Variants in SLC5A1 observed in about 807,000 individuals in gnomAD.
SLC5A1 encodes solute carrier family 5 member 1.
In SLC5A1, 42 loss-of-function variants were observed where a neutral mutation model predicts 73.5. That is an observed-to-expected ratio of 0.57 (90% CI 0.45 to 0.74). The LOEUF is 0.74. SLC5A1 is among the 30% of genes least tolerant of loss of function. SLC5A1 has a pLI of 0.00. For missense variants in SLC5A1, 634 were observed against 855.4 expected (o/e 0.74, Z 3.23); for synonymous variants, 300 against 317.4 (o/e 0.95, Z 0.58).
chr22:32,077,259 C>T (rs561276225), intron 5 of SLC5A1, among the ~76,000 whole-genome samples: 67 of 150,248 alleles, frequency 4.5e-4, no homozygotes, highest in African/African-American at 1.5e-3. Context: ...TTCACTCCCT[C>T]CTTCTCTCCT....
chr22:32,089,090 C>A (rs1472409450), intron 10 of SLC5A1, among the ~76,000 whole-genome samples: 1 of 152,220 alleles, frequency 6.6e-6, no homozygotes, highest in Non-Finnish European at 1.5e-5. Context: ...GGGGAAAGTT[C>A]TATCCCAGCT....
At chr22:32,059,504 G>A (rs1278769491) in intron 2 of SLC5A1, among the ~76,000 whole-genome samples, 1 of 152,190 alleles carries the variant, frequency 6.6e-6, no homozygotes, top group African/African-American at 2.4e-5. Context: ...CAGGAGGCAG[G>A]AAAGCACAGA....
chr22:32,087,927 C>T (rs535227915), intron 10 of SLC5A1, among the ~76,000 whole-genome samples: 5 of 152,162 alleles, frequency 3.3e-5, no homozygotes, highest in Non-Finnish European at 7.4e-5. Context: ...GCATGCTTAA[C>T]GCTGCTCAAG....
chr22:32,059,812 T>C (rs1161610922), intron 2 of SLC5A1, among the ~76,000 whole-genome samples: 1 of 152,144 alleles, frequency 6.6e-6, no homozygotes, highest in Non-Finnish European at 1.5e-5. Flanking sequence ...GTAGCTTCAG[T>C]GGATTTCCAG....
chr22:32,096,176 C>T (rs1051611585), intron 11 of SLC5A1, among the ~76,000 whole-genome samples: 7 of 152,184 alleles, frequency 4.6e-5, no homozygotes, highest in African/African-American at 1.4e-4. Context: ...CAATTTAGTC[C>T]TGCCTCCTGT....
intron 1 of SLC5A1, among the ~76,000 whole-genome samples, chr22:32,045,969 T>A (rs74481477): frequency 0.12 from 18,896 of 152,210 alleles, 1,423 homozygotes; most frequent in African/African-American, 0.22. Context: ...AAACAAGATA[T>A]GAAGAATTTG....
At chr22:32,108,529 A>T (rs1219049701) in intron 14 of SLC5A1, among the ~76,000 whole-genome samples, 1 of 152,060 alleles carries the variant, frequency 6.6e-6, no homozygotes, top group Non-Finnish European at 1.5e-5. Context: ...GAGAGGTGTG[A>T]GTGTGTGAGA....
chr22:32,068,989 A>G (rs927488175), intron 5 of SLC5A1, among the ~76,000 whole-genome samples: 1 of 152,222 alleles, frequency 6.6e-6, no homozygotes, highest in Non-Finnish European at 1.5e-5. Context: ...ACTATTCACA[A>G]TAGTGAAGAT....
At chr22:32,062,974 G>A (rs892443784) in intron 2 of SLC5A1, among the ~76,000 whole-genome samples, 1 of 152,104 alleles carries the variant, frequency 6.6e-6, no homozygotes, top group East Asian at 1.9e-4. Context: ...GTTGGCTTCC[G>A]GGGAGGCCTC....
intron 5 of SLC5A1, 87 bp from the exon 6 acceptor site, chr22:32,081,779 G>A: frequency 1.2e-6 from 1 of 827,320 alleles, no homozygotes; most frequent in South Asian, 1.3e-5. Flanking sequence ...AATAAAGCTT[G>A]CTTGGAAAAT....
intron 5 of SLC5A1, among the ~76,000 whole-genome samples, chr22:32,075,183 A>AT (rs2093988974): frequency 6.9e-6 from 1 of 145,894 alleles, no homozygotes; most frequent in African/African-American, 2.6e-5. Flanking sequence ...AAGTGCTGGG[A>AT]TTACAGGTGT....
intron 5 of SLC5A1, among the ~76,000 whole-genome samples, chr22:32,070,321 A>G (rs1417514013): frequency 3.8e-5 from 5 of 130,322 alleles, no homozygotes; most frequent in Non-Finnish European, 8.0e-5. Flanking sequence ...TCTTCCTTCT[A>G]CTTTCTTTGT....
chr22:32,091,505 A>G, intron 10 of SLC5A1, 107 bp from the exon 11 acceptor site: 1 of 1,271,628 alleles, frequency 7.9e-7, no homozygotes, highest in Non-Finnish European at 1.1e-6. Context: ...ATTGGATAAC[A>G]TGGCATGGTT....
chr22:32,046,266 C>G (rs2093937018), intron 1 of SLC5A1, among the ~76,000 whole-genome samples: 1 of 152,172 alleles, frequency 6.6e-6, no homozygotes, highest in African/African-American at 2.4e-5. Flanking sequence ...TTCTACCTTT[C>G]CCACTCCCCA....
chr22:32,068,375 A>G (rs1603116323), intron 4 of SLC5A1, 121 bp from the exon 5 acceptor site: 8 of 787,172 alleles, frequency 1.0e-5, no homozygotes, highest in Middle Eastern at 6.3e-4. Context: ...CTGGCCAGCA[A>G]AAGTTATGAA....
chr22:32,067,873 G>T, intron 3 of SLC5A1, 94 bp from the exon 4 acceptor site: 3 of 1,285,640 alleles, frequency 2.3e-6, no homozygotes, highest in South Asian at 2.4e-5. Context: ...GAACATGCTG[G>T]GTAATTTTTC....
In SLC5A1 at chr22:32,078,314, C is replaced by A. The variant is rs985612530; in HGVS notation, c.478-3552C>A. 3.9e-5 allele frequency among the ~76,000 whole-genome samples: 6 copies of A among 152,208 alleles called. 1 individual carries two copies. The South Asian group carries it at 1.2e-3, about 32-fold the overall frequency. ...TTTGAGCAAAACTCTATCACCCAGG[C>A]TGGAGTACAGTGGCACAATCTCGGC... On this transcript the variant is annotated intron_variant, in intron 5 of 14. Coordinates refer to ENST00000266088, the MANE Select transcript of SLC5A1 (RefSeq NM_000343.4).
At chr22:32,069,165 A>T (rs138146760) in intron 5 of SLC5A1, among the ~76,000 whole-genome samples, 301 of 152,328 alleles carry the variant, frequency 2.0e-3, no homozygotes, top group Non-Finnish European at 2.5e-3. Flanking sequence ...CATTGTGTTA[A>T]GTGAAATAGG....
At chr22:32,098,461 C>CAT (rs1856501294) in intron 11 of SLC5A1, among the ~76,000 whole-genome samples, 1 of 152,140 alleles carries the variant, frequency 6.6e-6, no homozygotes, top group African/African-American at 2.4e-5. Flanking sequence ...ACTTGAGACT[C>CAT]AGAGAGGTTA....
Sources: gnomAD v4.1 joint callset for allele counts (sites outside exome capture counted in the v4.1 genomes callset) on GRCh38, gnomAD v4.1.1 for gene constraint, MANE v1.5 for transcripts, NCBI Gene and HGNC (gene_info 2026-07-23, HGNC 2026-07-21) for gene names.